Variants in OTUD7A observed in about 807,000 individuals in gnomAD.
OTUD7A encodes OTU domain-containing protein 7A.
In OTUD7A, 12 loss-of-function variants were observed where a neutral mutation model predicts 65.7. The observed-to-expected ratio is 0.18, with a 90% CI of 0.12 to 0.30. OTUD7A has a LOEUF of 0.30. Among genes scored for constraint, OTUD7A ranks in the 10% least tolerant of loss-of-function variants. OTUD7A has a pLI of 1.00. For synonymous variants in OTUD7A, 641 were observed against 586.3 expected (o/e 1.09, Z -1.35); for missense variants, 1,148 against 1,304.8 (o/e 0.88, Z 1.85).
At chr15:31,662,859 C>T (rs1388987488) in intron 1 of OTUD7A, among the ~76,000 whole-genome samples, 6 of 152,294 alleles carry the variant, frequency 3.9e-5, no homozygotes, top group Non-Finnish European at 7.4e-5. Context: ...AATCCTAGTT[C>T]CTAATAAAAT....
intron 1 of OTUD7A, among the ~76,000 whole-genome samples, chr15:31,800,532 G>C (rs569595224): frequency 6.6e-6 from 1 of 152,168 alleles, no homozygotes. Context: ...AGGGACAGGA[G>C]AGCCAACCTA....
chr15:31,818,464 G>T (rs1896603833), intron 1 of OTUD7A, among the ~76,000 whole-genome samples: 1 of 152,236 alleles, frequency 6.6e-6, no homozygotes, highest in Non-Finnish European at 1.5e-5. Context: ...AACCAAGTGT[G>T]TCTGGCTTCC....
intron 10 of OTUD7A, among the ~76,000 whole-genome samples, chr15:31,499,090 T>G (rs1442026484): frequency 6.6e-6 from 1 of 152,142 alleles, no homozygotes; most frequent in Non-Finnish European, 1.5e-5. Context: ...CTCCAGGAGC[T>G]GGACACATGT....
At chr15:31,636,446 A>G (rs1272795405) in intron 3 of OTUD7A, among the ~76,000 whole-genome samples, 1 of 152,208 alleles carries the variant, frequency 6.6e-6, no homozygotes, top group African/African-American at 2.4e-5. Flanking sequence ...TCCACTGACC[A>G]GTGATTCTCC....
intron 5 of OTUD7A, chr15:31,556,327 G>A (rs1225455824): frequency 6.6e-6 from 1 of 152,164 alleles, no homozygotes; most frequent in African/African-American, 2.4e-5. Flanking sequence ...CTCCACCACT[G>A]GGTGGGAGCC....
At chr15:31,697,187 C>T (rs1210268405) in intron 1 of OTUD7A, among the ~76,000 whole-genome samples, 1 of 99,766 alleles carries the variant, frequency 1.0e-5, no homozygotes, top group Non-Finnish European at 2.5e-5. Context: ...GTGACATGTC[C>T]AGGTGACCTG....
intron 1 of OTUD7A, among the ~76,000 whole-genome samples, chr15:31,746,156 C>A (rs985922783): frequency 5.3e-5 from 8 of 152,168 alleles, no homozygotes; most frequent in African/African-American, 1.9e-4. Context: ...CAAACATCAA[C>A]CCTATTATCC....
chr15:31,828,194 T>C (rs1298623461), intron 1 of OTUD7A, among the ~76,000 whole-genome samples: 1 of 152,210 alleles, frequency 6.6e-6, no homozygotes, highest in Non-Finnish European at 1.5e-5. Flanking sequence ...AGATCAGCAG[T>C]TTCTTTTTGA....
intron 5 of OTUD7A, among the ~76,000 whole-genome samples, chr15:31,551,962 T>G (rs1888338442): frequency 6.6e-6 from 1 of 152,232 alleles, no homozygotes; most frequent in Admixed American, 6.5e-5. Flanking sequence ...AAATCTATGT[T>G]GAAATGTGAT....
chr15:31,724,345 T>C (rs1428736776), intron 1 of OTUD7A, among the ~76,000 whole-genome samples: 1 of 152,258 alleles, frequency 6.6e-6, no homozygotes, highest in African/African-American at 2.4e-5. Context: ...CTCCTTGTAA[T>C]AGTTCTTGGG....
chr15:31,537,355 T>C (rs1887837609), intron 5 of OTUD7A, among the ~76,000 whole-genome samples: 2 of 152,248 alleles, frequency 1.3e-5, no homozygotes, highest in African/African-American at 4.8e-5. Flanking sequence ...AATAAAAGCA[T>C]GTATTAAAAT....
Position 31,483,925 on chromosome 15 carries a change from A to G in OTUD7A, c.2171T>C (p.Leu724Pro). 2 of 1,085,742 alleles carry G rather than the reference A, an allele frequency of 1.8e-6. No individual in the cohort carries two copies. The highest frequency in any genetic ancestry group is 2.3e-6 in the Non-Finnish European group (2 of 888,594). The allele number at this position is 1,085,742 out of a possible 1,614,324, so 67.3% of individuals were successfully genotyped here. A position where few individuals can be genotyped will look rare whatever the true frequency, so the allele number is the denominator to read the frequency against. ...ERASPGPPTQ[L>P]VLKLKERPSP... The stretch of plus-strand genomic sequence containing the variant: ...CGGCCGCTCCTTGAGCTTGAGCACC[A>G]GCTGCGTGGGTGGGCCCGGAGAGGC... Residue 724 changes from leucine (L) to proline (P), a missense_variant, in exon 13 of 13, where the codon CTG (leucine) becomes CCG (proline). Physicochemically the swap from Leu to Pro is moderately conservative, Grantham distance 98. Around this residue, in one of 6 missense-constraint regions of OTUD7A, gnomAD observed 842 missense variants for 769.5 expected, o/e 1.09. Coordinates refer to ENST00000307050, the MANE Select transcript of OTUD7A (RefSeq NM_001382637.1).
Position 31,482,182 on chromosome 15 carries a change from T to C in OTUD7A, c.*1112A>G, listed in dbSNP as rs997247618. On this transcript the variant is annotated 3_prime_UTR_variant, in exon 13 of 13. Coordinates refer to ENST00000307050, the MANE Select transcript of OTUD7A (RefSeq NM_001382637.1). ...GCTCAGGGATCGGGCTGCTCCCTCA[T>C]TGTGTCACGAGACGGAGGCAGGGTC... The C allele has an allele frequency of 2.0e-5, 3 of 152,202 alleles. No homozygotes were observed. Among genetic ancestry groups the C allele is most frequent in the Admixed American group, 6.5e-5 (1 of 15,284 alleles). 9.4% of individuals were successfully genotyped at this position (152,202 alleles called of 1,614,324 possible).
At chr15:31,812,111 G>A (rs1896434244) in intron 1 of OTUD7A, among the ~76,000 whole-genome samples, 1 of 152,154 alleles carries the variant, frequency 6.6e-6, no homozygotes, top group Admixed American at 6.5e-5. Flanking sequence ...ACAAACAAGT[G>A]GGCTCTGCAA....
At chr15:31,825,542 G>T (rs967931782) in intron 1 of OTUD7A, among the ~76,000 whole-genome samples, 1 of 152,144 alleles carries the variant, frequency 6.6e-6, no homozygotes, top group Non-Finnish European at 1.5e-5. Flanking sequence ...GATGAGATTT[G>T]GGTGGGGACA....
intron 1 of OTUD7A, among the ~76,000 whole-genome samples, chr15:31,763,264 C>A (rs1179462320): frequency 6.6e-6 from 1 of 151,874 alleles, no homozygotes; most frequent in Non-Finnish European, 1.5e-5. Flanking sequence ...GCCTGGGCAA[C>A]AGAGCGAGAC....
At chr15:31,773,816 C>A (rs2140916611) in intron 1 of OTUD7A, among the ~76,000 whole-genome samples, 1 of 152,280 alleles carries the variant, frequency 6.6e-6, no homozygotes, top group East Asian at 1.9e-4. Context: ...GTAAATGCTC[C>A]ACTCCTCAAA....
At chr15:31,553,226 C>T (rs1888382479) in intron 5 of OTUD7A, among the ~76,000 whole-genome samples, 1 of 152,184 alleles carries the variant, frequency 6.6e-6, no homozygotes, top group Admixed American at 6.5e-5. Context: ...CCCTGATTCC[C>T]AGGCCCGCAC....
Position 31,667,084 on chromosome 15 carries a change from T to G in OTUD7A, c.-99-10007A>C, listed in dbSNP as rs530821117. On this transcript the variant is annotated intron_variant, in intron 1 of 12. Transcript: ENST00000307050. ...CCTTGGAGAAACTTCCATGTGCTGT[T>G]GAATAGAATGTGCATTCCGTGGTTG... Among the ~76,000 whole-genome samples, 8 of 152,340 alleles carry G rather than the reference T, an allele frequency of 5.3e-5. No homozygotes were observed. In the South Asian group the frequency reaches 1.7e-3, roughly 32 times the overall value.
Sources: gnomAD v4.1 joint callset for allele counts (sites outside exome capture counted in the v4.1 genomes callset) on GRCh38, gnomAD v4.1.1 for gene constraint, gnomAD v4.1.1 regional missense constraint, MANE v1.5 for transcripts, NCBI Gene and HGNC (gene_info 2026-07-23, HGNC 2026-07-21) for gene names.